GRM3: variants seen among roughly 807,000 people sequenced by gnomAD.
GRM3 encodes the protein glutamate metabotropic receptor 3, also known as metabotropic glutamate receptor 3.
In GRM3, 26 loss-of-function variants were observed where a neutral mutation model predicts 70.5. The ratio of observed to expected loss-of-function variants is 0.37; its 90% confidence interval spans 0.27 to 0.51. The LOEUF is 0.51. GRM3 is among the 20% of genes least tolerant of loss of function. GRM3 has a pLI of 0.93. For synonymous variants in GRM3, 443 were observed against 434.9 expected (o/e 1.02, Z -0.23); for missense variants, 859 against 1,123.8 (o/e 0.76, Z 3.37).
intron 4 of GRM3, among the ~76,000 whole-genome samples, chr7:86,841,187 A>G (rs1798552722): frequency 6.6e-6 from 1 of 152,200 alleles, no homozygotes; most frequent in Non-Finnish European, 1.5e-5. Context: ...AAAAAAAGGC[A>G]AATCTGTTTA....
intron 3 of GRM3, among the ~76,000 whole-genome samples, chr7:86,808,984 C>A (rs1307602898): frequency 6.6e-6 from 1 of 151,892 alleles, no homozygotes; most frequent in Non-Finnish European, 1.5e-5. Context: ...GTGACAGGAA[C>A]AATATCAAAG....
chr7:86,795,753 T>C (rs1426528967), intron 3 of GRM3, among the ~76,000 whole-genome samples: 1 of 152,200 alleles, frequency 6.6e-6, no homozygotes, highest in African/African-American at 2.4e-5. Context: ...TTTCTTTGGA[T>C]ATATACCCAG....
intron 2 of GRM3, among the ~76,000 whole-genome samples, chr7:86,770,060 T>A (rs1373476144): frequency 6.6e-6 from 1 of 152,178 alleles, no homozygotes; most frequent in Non-Finnish European, 1.5e-5. Flanking sequence ...ACAATGATAA[T>A]GCTTGTGCTT....
At chr7:86,701,968 CAG>C (rs2116102063) in intron 1 of GRM3, among the ~76,000 whole-genome samples, 1 of 152,102 alleles carries the variant, frequency 6.6e-6, no homozygotes, top group East Asian at 1.9e-4. Context: ...CACTGACAAG[CAG>C]AGAGATTCAG....
Position 86,749,053 on chromosome 7 carries a change from G to T in GRM3, c.-140-15953G>T, listed in dbSNP as rs1211137220. Among the ~76,000 whole-genome samples, 3 of 152,162 alleles carry T rather than the reference G, an allele frequency of 2.0e-5. No homozygotes were observed. In the East Asian group the frequency reaches 5.8e-4, roughly 29 times the overall value. On this transcript the variant is annotated intron_variant, in intron 1 of 5. Transcript: ENST00000361669. ...TGAGGCAACATTAGTAATATTGAAA[G>T]AAACTTTTGTGCTCATTCTTTGTAC...
intron 3 of GRM3, among the ~76,000 whole-genome samples, chr7:86,821,655 G>A (rs1400559434): frequency 2.0e-5 from 3 of 152,156 alleles, no homozygotes; most frequent in Non-Finnish European, 4.4e-5. Flanking sequence ...GGAGCTCGCA[G>A]TCTAGACAGG....
At chr7:86,844,324 T>C (rs1798613845) in intron 4 of GRM3, among the ~76,000 whole-genome samples, 2 of 152,186 alleles carry the variant, frequency 1.3e-5, no homozygotes, top group African/African-American at 4.8e-5. Flanking sequence ...CTATGTGCTA[T>C]GCAGATGAAA....
intron 3 of GRM3, among the ~76,000 whole-genome samples, chr7:86,830,737 T>C (rs1175010743): frequency 6.6e-6 from 1 of 152,198 alleles, no homozygotes; most frequent in Non-Finnish European, 1.5e-5. Context: ...AGTTGAATTG[T>C]GTTCCCCAAA....
At chr7:86,696,469 C>A (rs1317666520) in intron 1 of GRM3, among the ~76,000 whole-genome samples, 1 of 152,124 alleles carries the variant, frequency 6.6e-6, no homozygotes, top group Non-Finnish European at 1.5e-5. Context: ...AAGAGGATAG[C>A]CCTGCTGACA....
At chr7:86,828,809 T>C (rs953635510) in intron 3 of GRM3, among the ~76,000 whole-genome samples, 3 of 152,246 alleles carry the variant, frequency 2.0e-5, no homozygotes, top group African/African-American at 7.2e-5. Flanking sequence ...AAGATTTCTC[T>C]GTAGCGTGTG....
At position 86,802,504 on chromosome 7, in the gene GRM3, C is replaced by A. The variant is rs183441121; in HGVS notation, c.1324+15388C>A. Among the ~76,000 whole-genome samples, 6 of 152,068 alleles carry A rather than the reference C, an allele frequency of 3.9e-5. No individual in the cohort carries two copies. In the South Asian group the frequency reaches 1.2e-3, roughly 32 times the overall value. ...AATGACTCATAGGAAAGGCCTCCAA[C>A]TACATACTTCACTCCTTCCTCTGAG... is the stretch of plus-strand genomic sequence containing the variant. On this transcript the variant is annotated intron_variant, in intron 3 of 5. Coordinates refer to ENST00000361669, the MANE Select transcript of GRM3 (RefSeq NM_000840.3).
intron 1 of GRM3, among the ~76,000 whole-genome samples, chr7:86,692,458 C>T (rs1794717563): frequency 6.6e-6 from 1 of 152,194 alleles, no homozygotes; most frequent in Non-Finnish European, 1.5e-5. Flanking sequence ...TTTCTCACTG[C>T]CTGCTGCTAT....
chr7:86,720,328 C>G (rs1795427302), intron 1 of GRM3, among the ~76,000 whole-genome samples: 1 of 151,902 alleles, frequency 6.6e-6, no homozygotes, highest in Admixed American at 6.6e-5. Flanking sequence ...TCAAGTGTAT[C>G]ATGTGGGGCA....
At chr7:86,700,252 A>C (rs1794918884) in intron 1 of GRM3, among the ~76,000 whole-genome samples, 1 of 152,032 alleles carries the variant, frequency 6.6e-6, no homozygotes, top group Non-Finnish European at 1.5e-5. Flanking sequence ...CTAAACAGGA[A>C]GCCAATTCAT....
At chr7:86,830,245 A>G (rs557439800) in intron 3 of GRM3, among the ~76,000 whole-genome samples, 1 of 152,206 alleles carries the variant, frequency 6.6e-6, no homozygotes, top group Non-Finnish European at 1.5e-5. Context: ...CAAGCTGATG[A>G]GTAAGCTGGG....
chr7:86,856,376 G>A (rs1798845509), intron 5 of GRM3, among the ~76,000 whole-genome samples: 1 of 151,440 alleles, frequency 6.6e-6, no homozygotes, highest in Admixed American at 6.6e-5. Flanking sequence ...AACCCGGGAG[G>A]TGGAGGCTGC....
At chr7:86,823,287 G>A (rs1247911137) in intron 3 of GRM3, among the ~76,000 whole-genome samples, 1 of 152,020 alleles carries the variant, frequency 6.6e-6, no homozygotes, top group African/African-American at 2.4e-5. Context: ...GGCAAAGATG[G>A]ACAAGCCAGC....
At chr7:86,718,958 G>A (rs1478057976) in intron 1 of GRM3, among the ~76,000 whole-genome samples, 1 of 151,476 alleles carries the variant, frequency 6.6e-6, no homozygotes, top group African/African-American at 2.4e-5. Flanking sequence ...TGGCAAGGTA[G>A]AATTGAAAAC....
chr7:86,857,723 G>A (rs555755064), intron 5 of GRM3, among the ~76,000 whole-genome samples: 1 of 152,186 alleles, frequency 6.6e-6, no homozygotes, highest in East Asian at 1.9e-4. Context: ...TGAGCCTCAG[G>A]GTGAAAAAGT....
Sources: gnomAD v4.1 joint callset for allele counts (sites outside exome capture counted in the v4.1 genomes callset) on GRCh38, gnomAD v4.1.1 for gene constraint, MANE v1.5 for transcripts, NCBI Gene and HGNC (gene_info 2026-07-23, HGNC 2026-07-21) for gene names.